MBOAT1: variants seen among roughly 807,000 people sequenced by gnomAD.
The protein encoded by MBOAT1 is membrane-bound glycerophospholipid O-acyltransferase 1.
In MBOAT1, 67 loss-of-function variants were observed where a neutral mutation model predicts 64.4. The observed-to-expected ratio is 1.04, with a 90% CI of 0.85 to 1.27. The LOEUF is 1.27. Ranked by LOEUF, MBOAT1 falls within the 50% of genes most tolerant of loss-of-function variation. MBOAT1 has a pLI of 0.00. For missense variants in MBOAT1, 563 were observed against 604.6 expected (o/e 0.93, Z 0.72); for synonymous variants, 229 against 218.9 (o/e 1.05, Z -0.41).
intron 10 of MBOAT1, among the ~76,000 whole-genome samples, chr6:20,113,411 C>G (rs1022492581): frequency 1.3e-5 from 2 of 152,188 alleles, no homozygotes; most frequent in African/African-American, 4.8e-5. Context: ...TTAACAATTT[C>G]GGAATCAGGG....
rs1009443686 is a variant in MBOAT1 at position 20,101,699 on chromosome 6, G to A, written c.*587C>T. Among the ~76,000 whole-genome samples, 1 of 152,206 alleles carries A rather than the reference G, an allele frequency of 6.6e-6. No homozygotes were observed. Among genetic ancestry groups the A allele is most frequent in the Admixed American group, 6.5e-5 (1 of 15,276 alleles). ...GGAAGGGCAAAAAGCCAGCAGCCCA[G>A]AATGGACTGTCTCTGCAGCTCTGGC... On this transcript the variant is annotated 3_prime_UTR_variant, in exon 13 of 13. Coordinates refer to ENST00000324607, the MANE Select transcript of MBOAT1 (RefSeq NM_001080480.3).
chr6:20,100,855 A>G lies in MBOAT1; in HGVS notation c.*1431T>C, dbSNP rs1447039171. ...ATTATCATCATTATTATTTTCCACA[A>G]CATTTAATACCAAGTTTCCTTCTCT... On this transcript the variant is annotated 3_prime_UTR_variant, in exon 13 of 13. Transcript: ENST00000324607. Among the ~76,000 whole-genome samples, 3 of 152,124 alleles carry G rather than the reference A, an allele frequency of 2.0e-5. No individual in the cohort carries two copies. Among genetic ancestry groups the G allele is most frequent in the Admixed American group, 2.0e-4 (3 of 15,268 alleles).
At chr6:20,168,764 AG>A (rs1269358152) in intron 1 of MBOAT1, among the ~76,000 whole-genome samples, 6 of 74,950 alleles carry the variant, frequency 8.0e-5, no homozygotes, top group African/African-American at 2.1e-4. Context: ...GAAGGGAGGG[AG>A]GGGAGAGGAG....
intron 1 of MBOAT1, among the ~76,000 whole-genome samples, chr6:20,179,002 C>T (rs993108562): frequency 3.3e-5 from 5 of 151,420 alleles, no homozygotes; most frequent in Non-Finnish European, 4.4e-5. Context: ...CATAGGCAAA[C>T]GTGTGCCATG....
intron 2 of MBOAT1, among the ~76,000 whole-genome samples, chr6:20,152,272 A>G (rs1581426698): frequency 6.6e-6 from 1 of 151,994 alleles, no homozygotes; most frequent in African/African-American, 2.4e-5. Context: ...GGTCGCAGTG[A>G]GCCAAGATCG....
At position 20,158,868 on chromosome 6, in the gene MBOAT1, C is replaced by A. The variant is rs183414499; in HGVS notation, c.100-6099G>T. Among the ~76,000 whole-genome samples, 109 of 152,234 alleles carry A rather than the reference C, an allele frequency of 7.2e-4. No homozygotes were observed. In the South Asian group the frequency reaches 0.016, roughly 23 times the overall value. On this transcript the variant is annotated intron_variant, in intron 1 of 12. Transcript: ENST00000324607. ...CATGCACATTAAAACCACAATGAGA[C>A]AACACCTCACGTGTGTTAGAATGAC...
At chr6:20,197,408 TG>T (rs1402449146) in intron 1 of MBOAT1, among the ~76,000 whole-genome samples, 5 of 152,140 alleles carry the variant, frequency 3.3e-5, no homozygotes, top group African/African-American at 1.2e-4. Flanking sequence ...GGAAATTCCT[TG>T]TGGACAAAGG....
chr6:20,157,040 C>T (rs1270204252), intron 1 of MBOAT1, among the ~76,000 whole-genome samples: 2 of 152,044 alleles, frequency 1.3e-5, no homozygotes, highest in African/African-American at 2.4e-5. Context: ...CCCAGCACTC[C>T]GGGAGGCTAA....
Position 20,111,847 on chromosome 6 carries a change from C to CAT in MBOAT1, c.1209+1027_1209+1028dup, listed in dbSNP as rs374292054. Reference sequence around the variant, plus strand: ...ATACATATATATACACATATATATACATATATATATACATATATATACATA... The same window carrying CAT: ...ATACATATATATACACATATATATACATATATATATATACATATATATACATA... On this transcript the variant is annotated intron_variant, in intron 11 of 12. Transcript: ENST00000324607. Among the ~76,000 whole-genome samples, 97 of 76,056 alleles carry CAT rather than the reference C, an allele frequency of 1.3e-3. 1 individual carries two copies. Among genetic ancestry groups the CAT allele is most frequent in the African/African-American group, 1.9e-3 (38 of 19,936 alleles). The allele number at this position is 76,056 out of a possible 152,430, so 49.9% of individuals were successfully genotyped here. A position where few individuals can be genotyped will look rare whatever the true frequency, so the allele number is the denominator to read the frequency against.
intron 1 of MBOAT1, among the ~76,000 whole-genome samples, chr6:20,187,997 AG>A (rs2113751842): frequency 6.6e-6 from 1 of 152,286 alleles, no homozygotes; most frequent in East Asian, 1.9e-4. Context: ...AAAAAAAGAG[AG>A]AGAAGAACTG....
intron 5 of MBOAT1, among the ~76,000 whole-genome samples, chr6:20,130,231 T>C (rs1243988034): frequency 6.6e-6 from 1 of 152,200 alleles, no homozygotes; most frequent in African/African-American, 2.4e-5. Flanking sequence ...ATCTTCCTCC[T>C]TTTCTTGGAA....
intron 1 of MBOAT1, among the ~76,000 whole-genome samples, chr6:20,178,192 C>A (rs78129856): frequency 0.013 from 1,919 of 152,216 alleles, 37 homozygotes; most frequent in African/African-American, 0.043. Flanking sequence ...ACTTTGGAAC[C>A]CCACTAAGCC....
chr6:20,151,330 A>C, intron 2 of MBOAT1, 68 bp from the exon 3 acceptor site: 1 of 1,124,988 alleles, frequency 8.9e-7, no homozygotes, highest in East Asian at 2.4e-5. Flanking sequence ...ATTGGTCACC[A>C]AAACTGTGAA....
chr6:20,112,515 TG>T (rs1251326883), intron 11 of MBOAT1, among the ~76,000 whole-genome samples: 1 of 152,188 alleles, frequency 6.6e-6, no homozygotes, highest in East Asian at 1.9e-4. Flanking sequence ...ATAAGCAAAT[TG>T]AAGTCCTATG....
At chr6:20,168,041 A>G (rs1039468072) in intron 1 of MBOAT1, among the ~76,000 whole-genome samples, 1 of 152,198 alleles carries the variant, frequency 6.6e-6, no homozygotes, top group African/African-American at 2.4e-5. Context: ...CAGATGCATA[A>G]TAAGTTCCAA....
intron 12 of MBOAT1, among the ~76,000 whole-genome samples, chr6:20,108,626 AG>A (rs773634211): frequency 3.3e-5 from 5 of 152,360 alleles, no homozygotes; most frequent in Non-Finnish European, 7.3e-5. Context: ...CTTAGGAAGA[AG>A]GTGTGTTTGC....
chr6:20,119,889 C>T (rs1367560587), intron 8 of MBOAT1, among the ~76,000 whole-genome samples: 1 of 152,184 alleles, frequency 6.6e-6, no homozygotes, highest in Non-Finnish European at 1.5e-5. Flanking sequence ...TCACTGGGAC[C>T]AGCATCATAA....
intron 1 of MBOAT1, among the ~76,000 whole-genome samples, chr6:20,196,802 A>G (rs959053313): frequency 7.2e-5 from 11 of 152,088 alleles, no homozygotes; most frequent in Admixed American, 2.6e-4. Flanking sequence ...TGGAGGTTGC[A>G]GTGAGCCGAG....
At chr6:20,145,138 T>C (rs576385861) in intron 3 of MBOAT1, among the ~76,000 whole-genome samples, 3 of 152,114 alleles carry the variant, frequency 2.0e-5, no homozygotes, top group Non-Finnish European at 2.9e-5. Context: ...CCCTCAACAT[T>C]AGGAGGTGGG....
Sources: allele counts gnomAD v4.1 joint callset (sites outside exome capture counted in the v4.1 genomes callset), GRCh38; gene constraint gnomAD v4.1.1; transcripts MANE v1.5; gene names NCBI Gene and HGNC (gene_info 2026-07-23, HGNC 2026-07-21).